The following PHLDB3 variants were observed in gnomAD, a reference collection of about 807,000 sequenced individuals.
PHLDB3 encodes pleckstrin homology-like domain family B member 3.
A neutral mutation model predicts 85.7 loss-of-function variants in PHLDB3; 86 were observed. That is an observed-to-expected ratio of 1.00 (90% CI 0.84 to 1.20). The LOEUF is 1.20. Among genes scored for constraint, PHLDB3 ranks in the 50% most tolerant of loss-of-function variants. PHLDB3 has a pLI of 0.00. For synonymous variants in PHLDB3, 376 were observed against 349.8 expected, an observed-to-expected ratio of 1.07 and a Z score of -0.83; for missense variants, 995 against 873.0, an observed-to-expected ratio of 1.14 and a Z score of -1.76.
intron 5 of PHLDB3, 53 bp from the exon 6 acceptor site, chr19:43,497,332 G>T: frequency 7.6e-7 from 1 of 1,324,222 alleles, no homozygotes; most frequent in Non-Finnish European, 9.8e-7. Flanking sequence ...AGACCCCAGG[G>T]AGTAGTGGGC....
At position 43,498,174 on chromosome 19, in the gene PHLDB3, C is replaced by CA. The variant is rs530367437; in HGVS notation, c.535-299dup. On this transcript the variant is annotated intron_variant, in intron 4 of 15. Transcript: ENST00000292140. The stretch of plus-strand genomic sequence containing the variant: ...GCAACATAGGGGGAGCCCATCTCTA[C>CA]AAAAAAACAAAAAAATTAGTGGAGT... Among the ~76,000 whole-genome samples, 71 of 151,704 alleles carry CA rather than the reference C, an allele frequency of 4.7e-4. 1 individual carries two copies. The highest frequency in any genetic ancestry group is 2.2e-4 in the Non-Finnish European group (15 of 67,866).
At chr19:43,494,940 T>C (rs1484929361) in intron 8 of PHLDB3, 125 bp from the exon 9 acceptor site, 2 of 696,472 alleles carry the variant, frequency 2.9e-6, no homozygotes, top group Non-Finnish European at 4.9e-6. Context: ...TAAGGAGAGA[T>C]GGAATGTGGT....
At chr19:43,477,909 G>T in intron 15 of PHLDB3, 138 bp downstream of exon 15, 1 of 542,650 alleles carries the variant, frequency 1.8e-6, no homozygotes, top group South Asian at 3.2e-5. Context: ...TTTTCTCTGC[G>T]ACAAACACGT....
chr19:43,495,306 G>C lies in PHLDB3; in HGVS notation c.985C>G (p.Gln329Glu). The change falls in exon 8 of 16, where the codon CAG (glutamine) becomes GAG (glutamate). Residue 329 changes from glutamine (Q) to glutamate (E), a missense_variant. Gln to Glu is a conservative substitution (Grantham distance 29). Transcript: ENST00000292140. ...RSRLLELNCL[Q>E]GTPGGDFSEP... ...GAGAAGTCCCCGCCAGGTGTTCCCT[G>C]AAGGCAATTGAGCTCGAGCAGCCGG... is the stretch of plus-strand genomic sequence containing the variant. The C allele has an allele frequency of 6.2e-7, 1 of 1,613,828 alleles. No homozygotes were observed. The highest frequency in any genetic ancestry group is 8.5e-7 in the Non-Finnish European group (1 of 1,179,820).
At chr19:43,486,936 C>A in intron 10 of PHLDB3, 66 bp from the exon 11 acceptor site, 1 of 1,480,716 alleles carries the variant, frequency 6.8e-7, no homozygotes. Context: ...CACTTCTCCC[C>A]TGCAGGCATA....
chr19:43,492,141 C>T (rs1428404054), intron 9 of PHLDB3, among the ~76,000 whole-genome samples: 6 of 151,502 alleles, frequency 4.0e-5, no homozygotes, highest in African/African-American at 1.5e-4. Flanking sequence ...TTAGTAGAGA[C>T]GGGGTTTCAC....
At position 43,504,663 on chromosome 19, in the gene PHLDB3, A is replaced by G. The variant is rs558441541; in HGVS notation, c.-89T>C. ...GGAGTCCTTGAGATTCCGAAGTCCA[A>G]CTGCCACCTCCCCACAGCCTCGGCC... On this transcript the variant is annotated 5_prime_UTR_variant, in exon 1 of 16. Coordinates refer to ENST00000292140, the MANE Select transcript of PHLDB3 (RefSeq NM_198850.4). The G allele has an allele frequency of 1.0e-3, 155 of 153,534 alleles. No individual in the cohort carries two copies. Among genetic ancestry groups the G allele is most frequent in the Non-Finnish European group, 1.7e-3 (119 of 68,872 alleles). The allele number at this position is 153,534 out of a possible 1,614,324, so 9.5% of individuals were successfully genotyped here.
chr19:43,482,893 T>C (rs1166350783), intron 13 of PHLDB3, among the ~76,000 whole-genome samples: 2 of 152,174 alleles, frequency 1.3e-5, no homozygotes, highest in Non-Finnish European at 2.9e-5. Context: ...AAGACCCCAC[T>C]GCCGTTCCTG....
Position 43,504,140 on chromosome 19 carries a change from G to T in PHLDB3, c.-14-8C>A. 6.4e-7 allele frequency: 1 copy of T among 1,566,918 alleles called. No individual in the cohort carries two copies. The highest frequency in any genetic ancestry group is 8.6e-7 in the Non-Finnish European group (1 of 1,158,100). The stretch of plus-strand genomic sequence containing the variant: ...CCATGGCCGCTGGGACTCCTGCGGG[G>T]TGGGCGGGACCAGAAGCTCCGGGGG... On this transcript the variant is annotated splice_polypyrimidine_tract_variant and splice_region_variant and intron_variant, in intron 1 of 15. Coordinates refer to ENST00000292140, the MANE Select transcript of PHLDB3 (RefSeq NM_198850.4).
rs115286355 is a variant in PHLDB3 at position 43,480,882 on chromosome 19, A to C, written c.1486-1289T>G. On this transcript the variant is annotated intron_variant, in intron 13 of 15. Coordinates refer to ENST00000292140, the MANE Select transcript of PHLDB3 (RefSeq NM_198850.4). The stretch of plus-strand genomic sequence containing the variant: ...GGGGAGGAGGATTTAAGGCAATACA[A>C]GTGTCCACTATTTATGAGAGCCTGA... Among the ~76,000 whole-genome samples the C allele has an allele frequency of 6.6e-3, 1,003 of 152,220 alleles. 8 individuals are homozygous for C. Among genetic ancestry groups the C allele is most frequent in the African/African-American group, 0.023 (968 of 41,544 alleles).
Position 43,502,240 on chromosome 19 carries a change from G to A in PHLDB3, c.257C>T (p.Ala86Val), listed in dbSNP as rs759303993. 8.0e-5 allele frequency: 125 copies of A among 1,563,900 alleles called. No homozygotes were observed. The highest frequency in any genetic ancestry group is 6.1e-6 in the Non-Finnish European group (7 of 1,156,272). The change falls in exon 3 of 16, where the codon GCA becomes GTA. Residue 86 changes from alanine (A) to valine (V), a missense_variant. Transcript: ENST00000292140. ...PPIAMAATPPASTSSREGVRG... is the reference protein window; with the variant it reads ...PPIAMAATPPVSTSSREGVRG... ...CACCCCTTCCCGCGAAGAGGTGGAT[G>A]CGGGAGGTGTGGCCGCCATAGCTAT... is the stretch of plus-strand genomic sequence containing the variant.
chr19:43,481,271 C>T (rs114206540), intron 13 of PHLDB3, among the ~76,000 whole-genome samples: 1,759 of 152,172 alleles, frequency 0.012, 31 homozygotes, highest in African/African-American at 0.041. Flanking sequence ...CACTTAAACC[C>T]AGGAGTTTGA....
Position 43,487,075 on chromosome 19 carries a change from C to T in PHLDB3, c.1198G>A (p.Glu400Lys), listed in dbSNP as rs1348282528. The T allele has an allele frequency of 1.2e-5, 19 of 1,577,316 alleles. No individual in the cohort carries two copies. In the East Asian group the frequency reaches 4.2e-4, roughly 35 times the overall value. The change falls in exon 10 of 16, where the codon GAG (glutamate) becomes AAG (lysine). Residue 400 changes from glutamate (E) to lysine (K), a missense_variant. By Grantham distance (56) the Glu-to-Lys change is moderately conservative. Coordinates refer to ENST00000292140, the MANE Select transcript of PHLDB3 (RefSeq NM_198850.4). ...RTGSLPRKRG[E>K]RGSQRGSPRP... ...GGGGATCCTCTCTGGCTCCCCCTCT[C>T]CCCCCTTTTCCGGGGCAGGCTCCCA...
chr19:43,488,844 G>A (rs1375233996), intron 9 of PHLDB3, among the ~76,000 whole-genome samples: 1 of 151,362 alleles, frequency 6.6e-6, no homozygotes, highest in Non-Finnish European at 1.5e-5. Context: ...CTGTTGCCCA[G>A]GCTGGAGTGC....
At chr19:43,480,253 C>A (rs371169408) in intron 13 of PHLDB3, among the ~76,000 whole-genome samples, 16 of 143,102 alleles carry the variant, frequency 1.1e-4, no homozygotes, top group African/African-American at 4.2e-4. Flanking sequence ...ACAGAAGACC[C>A]CTTCTCTATT....
chr19:43,478,625 G>A (rs1044931581), intron 14 of PHLDB3, among the ~76,000 whole-genome samples: 4 of 152,150 alleles, frequency 2.6e-5, no homozygotes, highest in Admixed American at 6.5e-5. Context: ...CAATACAAGC[G>A]TCCAAGGAGG....
At chr19:43,486,490 G>A in intron 12 of PHLDB3, 119 bp downstream of exon 12, 10 of 1,336,858 alleles carry the variant, frequency 7.5e-6, no homozygotes, top group Non-Finnish European at 1.0e-5. Context: ...TCTGAGGGTG[G>A]AGGGGCTGGG....
chr19:43,483,937 CAT>C (rs1344708735), intron 13 of PHLDB3, among the ~76,000 whole-genome samples: 6 of 152,072 alleles, frequency 3.9e-5, no homozygotes, highest in African/African-American at 1.4e-4. Context: ...GCCTGGCCAA[CAT>C]AGTGTCTCTA....
At chr19:43,503,428 G>T (rs555656797) in intron 2 of PHLDB3, among the ~76,000 whole-genome samples, 2 of 151,988 alleles carry the variant, frequency 1.3e-5, no homozygotes, top group African/African-American at 4.8e-5. Flanking sequence ...TCAGCCTCCC[G>T]AGTAGCTGGG....
Sources: allele counts gnomAD v4.1 joint callset (sites outside exome capture counted in the v4.1 genomes callset), GRCh38; gene constraint gnomAD v4.1.1; transcripts MANE v1.5; gene names NCBI Gene and HGNC (gene_info 2026-07-23, HGNC 2026-07-21).